TPST1: variants seen among roughly 807,000 people sequenced by gnomAD.
TPST1 encodes tyrosylprotein sulfotransferase 1.
In TPST1, 20 loss-of-function variants were observed where a neutral mutation model predicts 34.8. The ratio of observed to expected loss-of-function variants is 0.57; its 90% CI spans 0.40 to 0.84. The LOEUF is 0.84. Among genes scored for constraint, TPST1 ranks in the 40% least tolerant of loss-of-function variants. The pLI, the probability that TPST1 is intolerant of heterozygous loss-of-function variation, is 0.00. For synonymous variants in TPST1, 152 were observed against 159.4 expected (o/e 0.95, Z 0.35); for missense variants, 353 against 455.5 (o/e 0.78, Z 2.05).
intron 1 of TPST1, among the ~76,000 whole-genome samples, chr7:66,215,984 G>T (rs1448748692): frequency 6.6e-6 from 1 of 151,672 alleles, no homozygotes; most frequent in Non-Finnish European, 1.5e-5. Flanking sequence ...TGTTAGCCAG[G>T]ATGGTCTGGA....
intron 3 of TPST1, among the ~76,000 whole-genome samples, chr7:66,336,948 A>G (rs928145786): frequency 3.3e-5 from 5 of 152,220 alleles, no homozygotes; most frequent in Non-Finnish European, 7.3e-5. Context: ...GTGGAATGGT[A>G]TATTTAGAGT....
At chr7:66,259,590 T>C (rs1386438148) in intron 2 of TPST1, among the ~76,000 whole-genome samples, 1 of 152,168 alleles carries the variant, frequency 6.6e-6, no homozygotes, top group Non-Finnish European at 1.5e-5. Flanking sequence ...TTCAATTTTA[T>C]TTTCAAAAAT....
At chr7:66,229,301 G>A (rs1448604748) in intron 1 of TPST1, among the ~76,000 whole-genome samples, 1 of 152,034 alleles carries the variant, frequency 6.6e-6, no homozygotes, top group African/African-American at 2.4e-5. Flanking sequence ...TAGTAGAGAC[G>A]GGGTTTCACT....
At chr7:66,264,132 C>G (rs571275887) in intron 2 of TPST1, among the ~76,000 whole-genome samples, 1 of 152,294 alleles carries the variant, frequency 6.6e-6, no homozygotes, top group East Asian at 1.9e-4. Flanking sequence ...TCTCCTGACT[C>G]AGAACTGCCC....
At chr7:66,244,527 GAA>G (rs1206254462) in intron 2 of TPST1, among the ~76,000 whole-genome samples, 1 of 152,172 alleles carries the variant, frequency 6.6e-6, no homozygotes, top group East Asian at 1.9e-4. Context: ...TCCAGTTACA[GAA>G]AAGTCAGAGG....
intron 3 of TPST1, among the ~76,000 whole-genome samples, chr7:66,296,002 T>C (rs749545639): frequency 6.6e-6 from 1 of 152,170 alleles, no homozygotes. Flanking sequence ...CTTTGCACAA[T>C]AGTGAAAGGG....
At chr7:66,320,755 C>T (rs1309049722) in intron 3 of TPST1, among the ~76,000 whole-genome samples, 3 of 151,806 alleles carry the variant, frequency 2.0e-5, no homozygotes, top group African/African-American at 4.8e-5. Flanking sequence ...TGTGCCACCA[C>T]GCCCGGCTAA....
At chr7:66,328,693 T>C (rs545866289) in intron 3 of TPST1, among the ~76,000 whole-genome samples, 85 of 150,972 alleles carry the variant, frequency 5.6e-4, no homozygotes, top group Non-Finnish European at 4.9e-4. Flanking sequence ...TATAGGCACA[T>C]GCCACAACGC....
At chr7:66,301,504 T>TA (rs1791315936) in intron 3 of TPST1, among the ~76,000 whole-genome samples, 1 of 152,270 alleles carries the variant, frequency 6.6e-6, no homozygotes, top group Admixed American at 6.5e-5. Flanking sequence ...GCTTTCAACA[T>TA]ACCTTCCTCA....
chr7:66,341,005 C>T (rs1048484139), intron 3 of TPST1, among the ~76,000 whole-genome samples: 3 of 151,928 alleles, frequency 2.0e-5, no homozygotes, highest in Non-Finnish European at 2.9e-5. Context: ...AGTGAGACTC[C>T]GTCTCAAAAG....
intron 1 of TPST1, among the ~76,000 whole-genome samples, chr7:66,231,159 G>C (rs1490865448): frequency 6.6e-6 from 1 of 152,138 alleles, no homozygotes; most frequent in Non-Finnish European, 1.5e-5. Flanking sequence ...CAAACCCTGA[G>C]CTAACCACAG....
chr7:66,201,085 G>A (rs1444404652), upstream of TPST1, among the ~76,000 whole-genome samples: 4 of 152,156 alleles, frequency 2.6e-5, no homozygotes, highest in Admixed American at 6.6e-5. Flanking sequence ...GGTAAAGCCC[G>A]GGAGAGAAAA....
At chr7:66,352,768 C>T (rs539019650) in intron 4 of TPST1, 2 of 985,408 alleles carry the variant, frequency 2.0e-6, no homozygotes, top group Admixed American at 6.1e-5. Flanking sequence ...TTTCAGAGAG[C>T]TCAGTGTCTC....
At chr7:66,309,803 A>AT (rs1374036169) in intron 3 of TPST1, among the ~76,000 whole-genome samples, 1 of 150,892 alleles carries the variant, frequency 6.6e-6, no homozygotes, top group Admixed American at 6.7e-5. Context: ...CCACTTGACC[A>AT]TTTTTTTGTA....
chr7:66,225,009 C>T (rs1311997233), intron 1 of TPST1, among the ~76,000 whole-genome samples: 1 of 144,826 alleles, frequency 6.9e-6, no homozygotes, highest in African/African-American at 2.6e-5. Flanking sequence ...CCTCCACCTC[C>T]TGGGTTCAAG....
intron 3 of TPST1, among the ~76,000 whole-genome samples, chr7:66,347,065 T>TTC (rs1348849814): frequency 1.1e-4 from 12 of 108,232 alleles, no homozygotes; most frequent in Non-Finnish European, 1.8e-4. Context: ...TTTTCTTTTT[T>TTC]TTTTTTTTTT....
chr7:66,247,342 C>G (rs1334716830), intron 2 of TPST1, among the ~76,000 whole-genome samples: 1 of 152,160 alleles, frequency 6.6e-6, no homozygotes. Flanking sequence ...GCAGGAGAAT[C>G]ACTTGAACCT....
chr7:66,211,291 C>T lies in TPST1; in HGVS notation c.-102+5769C>T, dbSNP rs189290232. 4.6e-5 allele frequency among the ~76,000 whole-genome samples: 7 copies of T among 152,212 alleles called. No individual in the cohort carries two copies. The East Asian group carries it at 1.4e-3, about 29-fold the overall frequency. On this transcript the variant is annotated intron_variant, in intron 1 of 5. Transcript: ENST00000304842. ...CTGAGATTGCAGGCATGCACCACTA[C>T]GCCCAGCTAATTTTGTATTTTTAGT... is the stretch of plus-strand genomic sequence containing the variant.
chr7:66,297,262 T>G (rs1005454710), intron 3 of TPST1, among the ~76,000 whole-genome samples: 19 of 152,228 alleles, frequency 1.2e-4, no homozygotes, highest in African/African-American at 4.1e-4. Context: ...AGGTTCATTA[T>G]TTCCAACTGT....
Sources: gnomAD v4.1 joint callset for allele counts (sites outside exome capture counted in the v4.1 genomes callset) on GRCh38, gnomAD v4.1.1 for gene constraint, MANE v1.5 for transcripts, NCBI Gene and HGNC (gene_info 2026-07-23, HGNC 2026-07-21) for gene names.